Variants in SV2A observed in about 807,000 individuals in gnomAD.
The protein encoded by SV2A is synaptic vesicle glycoprotein 2A.
Under a neutral mutation model 78.0 loss-of-function variants are expected in SV2A, and 25 were observed. That is an observed-to-expected ratio of 0.32 (90% confidence interval 0.23 to 0.45). The LOEUF (loss-of-function observed/expected upper bound fraction) is 0.45, where lower values mean the gene tolerates loss of function less well. SV2A is among the 20% of genes least tolerant of loss of function. SV2A has a pLI of 1.00. For missense variants in SV2A, 752 were observed against 971.5 expected (o/e 0.77, Z 3.00); for synonymous variants, 355 against 384.7 (o/e 0.92, Z 0.90).
Position 149,905,886 on chromosome 1 carries a change from T to A in SV2A, c.2039A>T (p.Asp680Val). ...DVLTVELYPS[D>V]KRTTAFGFLN... ...TCCAACACATTCCAACTACCTCTTG[T>A]CTGAGGGGTAGAGTTCAACAGTCAA... Residue 680 changes from aspartate to valine, a missense_variant, in exon 12 of 13, where the codon GAC becomes GTC. By Grantham distance (152) the Asp-to-Val change is radical. Around this residue, in one of 7 missense-constraint regions of SV2A, gnomAD observed 186 missense variants for 274.6 expected, o/e 0.68. Coordinates refer to ENST00000369146, the MANE Select transcript of SV2A (RefSeq NM_014849.5). The A allele has an allele frequency of 1.2e-6, 2 of 1,614,064 alleles. No homozygotes were observed. The highest frequency in any genetic ancestry group is 1.7e-6 in the Non-Finnish European group (2 of 1,180,012).
chr1:149,905,176 C>G lies in SV2A; in HGVS notation c.2067G>C (p.Leu689=), dbSNP rs1490617118. The change falls in exon 13 of 13, where the codon CTG becomes CTC. Residue 689 remains leucine (L), a synonymous_variant. Coordinates refer to ENST00000369146, the MANE Select transcript of SV2A (RefSeq NM_014849.5). ...SDKRTTAFGF[L]NALCKLAAVL... is the part of the protein sequence containing the mutation. ...CAGCTGCCAGCTTACACAGGGCATTCAGGAAGCCAAAAGCTGTGGTCCTGC... is the reference window on the plus strand; with the variant it reads ...CAGCTGCCAGCTTACACAGGGCATTGAGGAAGCCAAAAGCTGTGGTCCTGC... 6.2e-7 allele frequency: 1 copy of G among 1,609,976 alleles called. No individual in the cohort carries two copies. The highest frequency in any genetic ancestry group is 1.3e-5 in the African/African-American group (1 of 74,894).
chr1:149,909,629 G>A, intron 6 of SV2A, 58 bp from the exon 7 acceptor site: 1 of 1,546,388 alleles, frequency 6.5e-7, no homozygotes. Flanking sequence ...ACATCGGCCA[G>A]GCGCCTCAGT....
intron 10 of SV2A, chr1:149,907,089 T>A: frequency 3.1e-6 from 2 of 648,028 alleles, no homozygotes; most frequent in Non-Finnish European, 1.9e-6. Context: ...GTTCTCCCAT[T>A]AATAGTCTTA....
rs1571497032 is a variant in SV2A, at chr1:149,906,801, G to A, written c.1734C>T (p.His578=). The A allele has an allele frequency of 1.9e-6, 3 of 1,614,214 alleles. No homozygotes were observed. Among genetic ancestry groups the A allele is most frequent in the East Asian group, 4.5e-5 (2 of 44,890 alleles). ...CGTCTAGCGGGCAGCCCTCCTTGTT[G>A]TGCAGGAATGTACTGTTTATCAGAC... ...NSRLINSTFL[H]NKEGCPLDVT... Residue 578 remains histidine (H), a synonymous_variant, in exon 11 of 13, where the codon CAC becomes CAT. Coordinates refer to ENST00000369146, the MANE Select transcript of SV2A (RefSeq NM_014849.5).
intron 1 of SV2A, among the ~76,000 whole-genome samples, chr1:149,915,673 GGAA>G (rs2101628271): frequency 6.6e-6 from 1 of 152,260 alleles, no homozygotes; most frequent in South Asian, 2.1e-4. Context: ...CAGGAGTCAA[GGAA>G]GAAGGAGTCC....
chr1:149,910,011 A>G lies in SV2A; in HGVS notation c.1090-121T>C. 1.2e-6 allele frequency: 1 copy of G among 860,316 alleles called. No individual in the cohort carries two copies. Among genetic ancestry groups the G allele is most frequent in the Non-Finnish European group, 1.9e-6 (1 of 533,764 alleles). The allele number at this position is 860,316 out of a possible 1,614,324, so 53.3% of individuals were successfully genotyped here. ...GACACTAAATGGTTCCCAGCCCTCA[A>G]CCCCACCACCAAGCCCTGACCTATG... On this transcript the variant is annotated intron_variant, in intron 5 of 12. Coordinates refer to ENST00000369146, the MANE Select transcript of SV2A (RefSeq NM_014849.5). This position sits in a 1 kb window ranked among gnomAD's most constrained non-coding sequence, Gnocchi z 4.2.
Position 149,905,204 on chromosome 1 carries a change from A to G in SV2A, c.2046-7T>C. 1 of 1,603,842 alleles carries G rather than the reference A, an allele frequency of 6.2e-7. No homozygotes were observed. ...GAAGCCAAAAGCTGTGGTCCTGCTC[A>G]GGAGTCCCCCAGTGCAGCACGGCGC... On this transcript the variant is annotated splice_region_variant and splice_polypyrimidine_tract_variant and intron_variant, in intron 12 of 12. Coordinates refer to ENST00000369146, the MANE Select transcript of SV2A (RefSeq NM_014849.5).
At position 149,905,945 on chromosome 1, in the gene SV2A, C is replaced by A. The variant is rs782305456; in HGVS notation, c.1980G>T (p.Gly660=). The change falls in exon 12 of 13, where the codon GGG becomes GGT. Residue 660 remains glycine (G), a synonymous_variant. Coordinates refer to ENST00000369146, the MANE Select transcript of SV2A (RefSeq NM_014849.5). ...AMIALLCLFG[G]VSIASWNALD... is the part of the protein sequence containing the mutation. ...GCGCATTCCAGGATGCAATGCTGAC[C>A]CCGCCAAAAAGGCAGAGCAGAGCGA... 6.2e-7 allele frequency: 1 copy of A among 1,614,112 alleles called. No individual in the cohort carries two copies. The highest frequency in any genetic ancestry group is 8.5e-7 in the Non-Finnish European group (1 of 1,180,020).
intron 8 of SV2A, among the ~76,000 whole-genome samples, chr1:149,908,409 G>A (rs984130888): frequency 1.3e-5 from 2 of 152,128 alleles, no homozygotes; most frequent in African/African-American, 4.8e-5. Flanking sequence ...GCTCCTGGGG[G>A]ACTTCAGGGT....
chr1:149,912,066 G>C (rs1183015739), intron 2 of SV2A, 86 bp from the exon 3 acceptor site: 4 of 1,391,556 alleles, frequency 2.9e-6, no homozygotes, highest in Non-Finnish European at 3.9e-6. Context: ...GGAGCTGAAG[G>C]ATCTGAAAAA....
At position 149,910,466 on chromosome 1, in the gene SV2A, G is replaced by A. The variant is rs2092468374; in HGVS notation, c.1089+104C>T. The A allele has an allele frequency of 7.0e-7, 1 of 1,422,402 alleles. No homozygotes were observed. The highest frequency in any genetic ancestry group is 1.4e-5 in the African/African-American group (1 of 69,424). The allele number at this position is 1,422,402 out of a possible 1,614,324, so 88.1% of individuals were successfully genotyped here. ...GTGAGGAAGGCAGGCAGTCAAACAGGATCAAATCAAACTCCAGTTGGTGTT... is the reference window on the plus strand; with the variant it reads ...GTGAGGAAGGCAGGCAGTCAAACAGAATCAAATCAAACTCCAGTTGGTGTT... On this transcript the variant is annotated intron_variant, in intron 5 of 12. Coordinates refer to ENST00000369146, the MANE Select transcript of SV2A (RefSeq NM_014849.5). The surrounding 1 kb of genome is among the most constrained non-coding windows in gnomAD (Gnocchi z 4.2).
intron 12 of SV2A, 131 bp downstream of exon 12, chr1:149,905,749 A>G (rs2092433451): frequency 7.6e-7 from 1 of 1,318,008 alleles, no homozygotes; most frequent in African/African-American, 1.5e-5. Flanking sequence ...GGCCAAAGCT[A>G]CCAGATTTTA....
At chr1:149,905,834 C>T in intron 12 of SV2A, 46 bp downstream of exon 12, 9 of 1,603,696 alleles carry the variant, frequency 5.6e-6, no homozygotes, top group Non-Finnish European at 7.7e-6. Context: ...CCTCACCCCA[C>T]CCCTCCCCTG....
At chr1:149,916,933 A>G (rs1307713938) in intron 1 of SV2A, among the ~76,000 whole-genome samples, 1 of 152,056 alleles carries the variant, frequency 6.6e-6, no homozygotes, top group Non-Finnish European at 1.5e-5. Flanking sequence ...AGGAATACGG[A>G]GAGGCAGAGA....
chr1:149,906,548 C>T, intron 11 of SV2A, 102 bp downstream of exon 11: 6 of 1,281,784 alleles, frequency 4.7e-6, no homozygotes, highest in Non-Finnish European at 6.6e-6. Flanking sequence ...GAGAGGAACT[C>T]TCTGACCAAT....
rs781814288 is a variant in SV2A at position 149,909,445 on chromosome 1, C to T, written c.1290+16G>A. On this transcript the variant is annotated intron_variant, in intron 7 of 12. Coordinates refer to ENST00000369146, the MANE Select transcript of SV2A (RefSeq NM_014849.5). ...TTCCCCCACTCCCTTCTATCTACCA[C>T]CCCGTCCACCATTACCTGCCCCCCT... 1.2e-6 allele frequency: 2 copies of T among 1,606,550 alleles called. No homozygotes were observed. The highest frequency in any genetic ancestry group is 8.5e-7 in the Non-Finnish European group (1 of 1,173,310).
rs372981929 is a variant in SV2A, at chr1:149,908,701, G to A, written c.1379+491C>T. Among the ~76,000 whole-genome samples the A allele has an allele frequency of 3.9e-5, 6 of 152,130 alleles. 1 individual carries two copies. Among genetic ancestry groups the A allele is most frequent in the South Asian group, 4.2e-4 (2 of 4,808 alleles). ...CACCCAGGCTGGAGTGCAGTGGCGC[G>A]ATCTCGACTCACTGCAACCTCTGCC... On this transcript the variant is annotated intron_variant, in intron 8 of 12. Transcript: ENST00000369146.
At chr1:149,915,958 T>TGTG (rs2092510937) in intron 1 of SV2A, among the ~76,000 whole-genome samples, 1 of 152,030 alleles carries the variant, frequency 6.6e-6, no homozygotes, top group Non-Finnish European at 1.5e-5. Context: ...AGCAATGCTA[T>TGTG]GTGGTTCAGA....
chr1:149,917,530 C>CGTGTGTGT (rs139622752), intron 1 of SV2A, among the ~76,000 whole-genome samples: 1 of 150,822 alleles, frequency 6.6e-6, no homozygotes, highest in Admixed American at 6.6e-5. Context: ...TATACATATG[C>CGTGTGTGT]GTGTGTGTGT....
Sources: gnomAD v4.1 joint callset for allele counts (sites outside exome capture counted in the v4.1 genomes callset) on GRCh38, gnomAD v4.1.1 for gene constraint, gnomAD v4.1.1 regional missense constraint, Gnocchi (gnomAD v3.1) non-coding constraint, MANE v1.5 for transcripts, NCBI Gene and HGNC (gene_info 2026-07-23, HGNC 2026-07-21) for gene names.